Variants in ZNF518A observed in about 807,000 individuals in gnomAD.
ZNF518A encodes zinc finger protein 518.
A neutral mutation model predicts 102.7 loss-of-function variants in ZNF518A; 47 were observed. The ratio of observed to expected loss-of-function variants is 0.46; its 90% CI spans 0.36 to 0.58. ZNF518A has a LOEUF of 0.58. ZNF518A is among the 20% of genes least tolerant of loss of function. The pLI is 0.00. For synonymous variants in ZNF518A, 652 were observed against 594.6 expected (o/e 1.10, Z -1.40); for missense variants, 1,793 against 1,699.8 (o/e 1.05, Z -0.96).
downstream of ZNF518A, chr10:96,204,205 G>A (rs2083735323): frequency 2.7e-5 from 31 of 1,129,208 alleles, no homozygotes; most frequent in South Asian, 4.1e-4. Flanking sequence ...AATACAAATG[G>A]CCAATAAAAT....
intron 3 of ZNF518A, among the ~76,000 whole-genome samples, chr10:96,134,774 G>C (rs10509700): frequency 0.37 from 56,488 of 152,102 alleles, 11,884 homozygotes; most frequent in Middle Eastern, 0.55. Flanking sequence ...CAGAATATTA[G>C]AATGAAGGTA....
intron 3 of ZNF518A, among the ~76,000 whole-genome samples, chr10:96,139,218 A>G (rs2081783110): frequency 6.6e-6 from 1 of 152,138 alleles, no homozygotes; most frequent in Non-Finnish European, 1.5e-5. Context: ...CCAAGACCAG[A>G]TACCGCTGTT....
intron 1 of ZNF518A, among the ~76,000 whole-genome samples, chr10:96,179,884 A>T (rs1166761167): frequency 0.014 from 1,626 of 119,670 alleles, 2 homozygotes; most frequent in Middle Eastern, 0.013. Flanking sequence ...TCTTTCTTTC[A>T]TTTTTTTTTT....
chr10:96,153,333 A>C (rs1282785430), intron 3 of ZNF518A, among the ~76,000 whole-genome samples: 1 of 152,240 alleles, frequency 6.6e-6, no homozygotes, highest in Non-Finnish European at 1.5e-5. Context: ...GTCTCTGGAA[A>C]CACCCTCACA....
chr10:96,183,060 G>C (rs967948610), intron 1 of ZNF518A, among the ~76,000 whole-genome samples: 6 of 152,306 alleles, frequency 3.9e-5, no homozygotes, highest in African/African-American at 1.4e-4. Flanking sequence ...GAGGGTATAT[G>C]TGTCCAGGAA....
intron 5 of ZNF518A, 63 bp from the exon 6 acceptor site, chr10:96,156,134 C>G (rs2082683986): frequency 7.1e-6 from 3 of 425,274 alleles, no homozygotes. Context: ...CCAAAATGAA[C>G]TTACAGATAC....
intron 1 of ZNF518A, among the ~76,000 whole-genome samples, chr10:96,186,704 A>G (rs1347238384): frequency 1.3e-5 from 2 of 152,180 alleles, no homozygotes; most frequent in Non-Finnish European, 2.9e-5. Context: ...CCTAGGTTGC[A>G]TTATTATCTT....
downstream of ZNF518A, among the ~76,000 whole-genome samples, chr10:96,166,933 CTTAA>C (rs1554890441): frequency 6.6e-6 from 1 of 152,126 alleles, no homozygotes; most frequent in African/African-American, 2.4e-5. Context: ...TTGTAAACTC[CTTAA>C]GTAGTGAAAG....
rs782025312 is a variant in ZNF518A at position 96,159,113 on chromosome 10, A to G, written c.2791A>G (p.Ile931Val). The stretch of plus-strand genomic sequence containing the variant: ...AAATTCAGAACAAAAAAAAACTATA[A>G]TTGTTCAGACTTCAAAAGGATTCTT... ...LLNSEQKKTI[I>V]VQTSKGFLIP... Residue 931 changes from isoleucine to valine, a missense_variant, in exon 6 of 6, where the codon ATT (isoleucine) becomes GTT (valine). By Grantham distance (29) the Ile-to-Val change is conservative. Coordinates refer to ENST00000316045, the MANE Select transcript of ZNF518A (RefSeq NM_001330736.2). 2.5e-6 allele frequency: 4 copies of G among 1,611,462 alleles called. No individual in the cohort carries two copies. The Admixed American group carries it at 5.0e-5, about 20-fold the overall frequency.
chr10:96,143,697 C>T (rs1183813560), intron 3 of ZNF518A, among the ~76,000 whole-genome samples: 4 of 152,172 alleles, frequency 2.6e-5, no homozygotes, highest in African/African-American at 7.2e-5. Context: ...AATATATAGG[C>T]AGACCTCATA....
intron 1 of ZNF518A, among the ~76,000 whole-genome samples, chr10:96,176,941 A>G (rs1232509155): frequency 6.6e-6 from 1 of 151,970 alleles, no homozygotes; most frequent in Non-Finnish European, 1.5e-5. Flanking sequence ...AGCTAGGTGT[A>G]GTTGTGCATG....
rs5787172 is a variant in ZNF518A at position 96,203,782 on chromosome 10, TA to T, written n.91-125del. The T allele has an allele frequency of 0.73, 167,197 of 227,484 alleles. 57,749 individuals are homozygous for T. Among genetic ancestry groups the T allele is most frequent in the Non-Finnish European group, 0.78 (89,959 of 115,684 alleles). The allele number at this position is 227,484 out of a possible 1,614,324, so 14.1% of individuals were successfully genotyped here. A position where few individuals can be genotyped will look rare whatever the true frequency, so the allele number is the denominator to read the frequency against. ...TTTGAAAACAGCTGTATTGTTTTTGTAAAAAAAAAAAAAGTTAAAAAAGGAT... is the reference window on the plus strand; with the variant it reads ...TTTGAAAACAGCTGTATTGTTTTTGTAAAAAAAAAAAAGTTAAAAAAGGAT... On this transcript the variant is annotated intron_variant and non_coding_transcript_variant, in intron 2 of 2. Coordinates refer to the ZNF518A transcript ENST00000442635.
chr10:96,153,254 G>C (rs1564762961), intron 3 of ZNF518A, among the ~76,000 whole-genome samples: 1 of 152,194 alleles, frequency 6.6e-6, no homozygotes, highest in African/African-American at 2.4e-5. Flanking sequence ...CAAGGCCCCT[G>C]GCCGGTTGGA....
chr10:96,136,811 T>C (rs2081619146), intron 3 of ZNF518A, among the ~76,000 whole-genome samples: 1 of 152,228 alleles, frequency 6.6e-6, no homozygotes, highest in Admixed American at 6.5e-5. Flanking sequence ...TGTCCTTGCC[T>C]ACCTTCTTTC....
At chr10:96,187,729 G>A (rs915362208) in intron 1 of ZNF518A, among the ~76,000 whole-genome samples, 3 of 152,184 alleles carry the variant, frequency 2.0e-5, no homozygotes, top group East Asian at 1.9e-4. Flanking sequence ...TGCTACACAT[G>A]TACTTCTTGA....
At position 96,160,392 on chromosome 10, in the gene ZNF518A, C is replaced by T. The variant is rs782134709; in HGVS notation, c.4070C>T (p.Ala1357Val). 3 of 1,613,340 alleles carry T rather than the reference C, an allele frequency of 1.9e-6. No homozygotes were observed. The highest frequency in any genetic ancestry group is 2.5e-6 in the Non-Finnish European group (3 of 1,179,566). ...VVVLNHPDAD[A>V]PEVVSVMKTI... ...GTTTTGAATCATCCTGACGCAGATGCACCAGAAGTAGTAAGTGTAATGAAA... is the reference window on the plus strand; with the variant it reads ...GTTTTGAATCATCCTGACGCAGATGTACCAGAAGTAGTAAGTGTAATGAAA... The change falls in exon 6 of 6, where the codon GCA (alanine) becomes GTA (valine). Residue 1357 changes from alanine (A) to valine (V), a missense_variant. By Grantham distance (64) the Ala-to-Val change is moderately conservative. Transcript: ENST00000316045.
intron 1 of ZNF518A, among the ~76,000 whole-genome samples, chr10:96,194,784 T>TTTTTTA (rs2083418556): frequency 6.8e-6 from 1 of 146,156 alleles, no homozygotes; most frequent in African/African-American, 2.5e-5. Context: ...TTTTTTTTTT[T>TTTTTTA]TTTTGAGACG....
At chr10:96,194,685 G>A (rs369376069) in intron 1 of ZNF518A, among the ~76,000 whole-genome samples, 2 of 150,220 alleles carry the variant, frequency 1.3e-5, no homozygotes, top group East Asian at 3.9e-4. Flanking sequence ...AAATGGAATA[G>A]ACATTTCTCT....
At chr10:96,180,383 A>G (rs587740946) in intron 1 of ZNF518A, among the ~76,000 whole-genome samples, 101 of 151,702 alleles carry the variant, frequency 6.7e-4, no homozygotes, top group African/African-American at 2.2e-3. Flanking sequence ...TCTAGGGTAC[A>G]TGTGCACAAC....
Sources: allele counts gnomAD v4.1 joint callset (sites outside exome capture counted in the v4.1 genomes callset), GRCh38; gene constraint gnomAD v4.1.1; transcripts MANE v1.5; gene names NCBI Gene and HGNC (gene_info 2026-07-23, HGNC 2026-07-21).